Variants in KCTD8 observed in about 807,000 individuals in gnomAD.
The protein encoded by KCTD8 is potassium channel tetramerization domain containing 8.
KCTD8 carries 27 observed loss-of-function variants against 31.5 expected under a neutral mutation model. That is an observed-to-expected ratio of 0.86 (90% CI 0.63 to 1.18). KCTD8 has a LOEUF of 1.18. Ranked by LOEUF, KCTD8 falls within the 50% of genes most tolerant of loss-of-function variation. KCTD8 has a pLI of 0.00. For missense variants in KCTD8, 658 were observed against 647.7 expected (o/e 1.02, Z -0.17); for synonymous variants, 290 against 280.0 (o/e 1.04, Z -0.36).
chr4:44,392,110 A>C (rs985005495), intron 1 of KCTD8, among the ~76,000 whole-genome samples: 2 of 151,970 alleles, frequency 1.3e-5, no homozygotes, highest in Non-Finnish European at 1.5e-5. Flanking sequence ...CATTTCTTCA[A>C]ACCTCACAGA....
chr4:44,216,257 T>C (rs908181171), intron 1 of KCTD8, among the ~76,000 whole-genome samples: 1 of 152,156 alleles, frequency 6.6e-6, no homozygotes, highest in African/African-American at 2.4e-5. Context: ...GGTGGGTATG[T>C]TCAAATGTTG....
chr4:44,298,652 T>G (rs73193247), intron 1 of KCTD8, among the ~76,000 whole-genome samples: 40,565 of 151,914 alleles, frequency 0.27, 5,802 homozygotes, highest in East Asian at 0.39. Flanking sequence ...TGAAACACAC[T>G]CCCTTGACTC....
At position 44,292,068 on chromosome 4, in the gene KCTD8, C is replaced by G. The variant is rs535573114; in HGVS notation, c.962-116818G>C. Among the ~76,000 whole-genome samples the G allele has an allele frequency of 3.3e-5, 5 of 151,188 alleles. No individual in the cohort carries two copies. In the East Asian group the frequency reaches 5.9e-4, roughly 18 times the overall value. On this transcript the variant is annotated intron_variant, in intron 1 of 1. Transcript: ENST00000360029. Reference sequence around the variant, plus strand: ...TATTCATCCACTGCGGAAAGCAGTACGCAGATTTAGTGAAGAACGTGAAGT... The same window carrying G: ...TATTCATCCACTGCGGAAAGCAGTAGGCAGATTTAGTGAAGAACGTGAAGT...
chr4:44,302,908 C>G (rs548972222), intron 1 of KCTD8, among the ~76,000 whole-genome samples: 1 of 151,996 alleles, frequency 6.6e-6, no homozygotes, highest in African/African-American at 2.4e-5. Flanking sequence ...TACCTAATTT[C>G]TTGAGAGTTT....
chr4:44,266,754 A>G (rs2109368992), intron 1 of KCTD8, among the ~76,000 whole-genome samples: 1 of 152,298 alleles, frequency 6.6e-6, no homozygotes, highest in Non-Finnish European at 1.5e-5. Context: ...CTAGTCTCTG[A>G]TAAAACAGGC....
chr4:44,278,859 CCTT>C (rs1296735494), intron 1 of KCTD8, among the ~76,000 whole-genome samples: 1 of 151,970 alleles, frequency 6.6e-6, no homozygotes, highest in African/African-American at 2.4e-5. Context: ...GCAACAAAAA[CCTT>C]CTGCATGCTT....
intron 1 of KCTD8, among the ~76,000 whole-genome samples, chr4:44,251,808 C>T (rs1303804687): frequency 1.3e-5 from 2 of 151,276 alleles, no homozygotes; most frequent in African/African-American, 4.8e-5. Context: ...AAAAAAAAAT[C>T]ATGATTAGGC....
intron 1 of KCTD8, among the ~76,000 whole-genome samples, chr4:44,264,603 G>C (rs892440633): frequency 6.6e-6 from 1 of 152,206 alleles, no homozygotes; most frequent in Non-Finnish European, 1.5e-5. Context: ...CTCGGGAAGC[G>C]CAAGGGGTCA....
At chr4:44,244,949 G>T (rs1715610934) in intron 1 of KCTD8, among the ~76,000 whole-genome samples, 1 of 151,910 alleles carries the variant, frequency 6.6e-6, no homozygotes, top group Non-Finnish European at 1.5e-5. Context: ...GTTGGCTGAA[G>T]CCTTTATGAT....
At chr4:44,418,443 T>G (rs1157383592) in intron 1 of KCTD8, among the ~76,000 whole-genome samples, 1 of 150,900 alleles carries the variant, frequency 6.6e-6, no homozygotes, top group Non-Finnish European at 1.5e-5. Context: ...TCTAACCAAT[T>G]ATAACTTATC....
chr4:44,244,055 T>C (rs1715580589), intron 1 of KCTD8, among the ~76,000 whole-genome samples: 1 of 152,184 alleles, frequency 6.6e-6, no homozygotes, highest in Admixed American at 6.5e-5. Context: ...AAATACAAAA[T>C]GTCCACACAA....
At chr4:44,228,837 A>G (rs538793278) in intron 1 of KCTD8, among the ~76,000 whole-genome samples, 2 of 152,210 alleles carry the variant, frequency 1.3e-5, no homozygotes, top group Non-Finnish European at 2.9e-5. Context: ...GAGTTTCAAT[A>G]AAGAATTGGT....
chr4:44,325,579 C>T (rs746155893), intron 1 of KCTD8, among the ~76,000 whole-genome samples: 2 of 151,740 alleles, frequency 1.3e-5, no homozygotes, highest in Non-Finnish European at 2.9e-5. Context: ...AAATTGCGTG[C>T]CTGTATCAAA....
At chr4:44,421,023 C>T (rs1721195710) in intron 1 of KCTD8, among the ~76,000 whole-genome samples, 1 of 151,642 alleles carries the variant, frequency 6.6e-6, no homozygotes, top group Non-Finnish European at 1.5e-5. Flanking sequence ...AAGGGACTTT[C>T]AGAATCTTTC....
intron 1 of KCTD8, among the ~76,000 whole-genome samples, chr4:44,282,759 C>G (rs1465295345): frequency 6.6e-6 from 1 of 151,950 alleles, no homozygotes; most frequent in Admixed American, 6.6e-5. Flanking sequence ...AAGATGAAAC[C>G]AGTCACAACA....
chr4:44,394,679 T>C (rs1046059527), intron 1 of KCTD8, among the ~76,000 whole-genome samples: 1 of 152,094 alleles, frequency 6.6e-6, no homozygotes, highest in South Asian at 2.1e-4. Flanking sequence ...TCGTATGTGC[T>C]ATAAGACAGG....
At chr4:44,193,042 A>G (rs1336146581) in intron 1 of KCTD8, among the ~76,000 whole-genome samples, 1 of 152,192 alleles carries the variant, frequency 6.6e-6, no homozygotes, top group Non-Finnish European at 1.5e-5. Context: ...ACCCCTTTAT[A>G]TATACATCTA....
chr4:44,348,980 C>A (rs983506058), intron 1 of KCTD8, among the ~76,000 whole-genome samples: 2 of 152,028 alleles, frequency 1.3e-5, no homozygotes, highest in Non-Finnish European at 2.9e-5. Context: ...CTTGAAACTG[C>A]ACATTTATAA....
At chr4:44,372,666 A>C (rs1289102400) in intron 1 of KCTD8, among the ~76,000 whole-genome samples, 2 of 152,166 alleles carry the variant, frequency 1.3e-5, no homozygotes, top group African/African-American at 4.8e-5. Context: ...TTTCTGATTT[A>C]AAAAAACATA....
Sources: allele counts gnomAD v4.1 joint callset (sites outside exome capture counted in the v4.1 genomes callset), GRCh38; gene constraint gnomAD v4.1.1; transcripts MANE v1.5; gene names NCBI Gene and HGNC (gene_info 2026-07-23, HGNC 2026-07-21).